Variants in MAPRE2 observed in about 807,000 individuals in gnomAD.
MAPRE2 encodes microtubule associated protein RP/EB family member 2.
MAPRE2 carries 13 observed loss-of-function variants against 43.2 expected under a neutral mutation model. The observed-to-expected ratio is 0.30, with a 90% CI of 0.20 to 0.48. The LOEUF (loss-of-function observed/expected upper bound fraction) is 0.48. MAPRE2 is among the 20% of genes least tolerant of loss of function. The probability of loss-of-function intolerance (pLI) is 0.99; values close to 1 mark genes in which losing one functional copy is unlikely to be tolerated. For missense variants in MAPRE2, 161 were observed against 400.2 expected (o/e 0.40, Z 5.10); for synonymous variants, 135 against 148.8 (o/e 0.91, Z 0.68).
At chr18:34,985,352 T>TATATATAATATA (rs1183661196) in intron 1 of MAPRE2, among the ~76,000 whole-genome samples, 1 of 42,610 alleles carries the variant, frequency 2.3e-5, no homozygotes, top group Non-Finnish European at 3.8e-5. Context: ...TATTATATTA[T>TATATATAATATA]ATATATAATA....
chr18:35,038,959 C>A (rs949875161), upstream of MAPRE2, among the ~76,000 whole-genome samples: 3 of 152,172 alleles, frequency 2.0e-5, no homozygotes, highest in African/African-American at 7.2e-5. Context: ...ACCATCAGCC[C>A]AAATTCTTGG....
intron 1 of MAPRE2, among the ~76,000 whole-genome samples, chr18:35,054,482 G>A (rs1247940527): frequency 6.6e-6 from 1 of 152,192 alleles, no homozygotes; most frequent in Non-Finnish European, 1.5e-5. Context: ...AATTTCAGGT[G>A]AGTCGCTGCC....
At chr18:35,039,836 T>C (rs2097052642), upstream of MAPRE2, among the ~76,000 whole-genome samples, 1 of 152,240 alleles carries the variant, frequency 6.6e-6, no homozygotes, top group Non-Finnish European at 1.5e-5. Context: ...CATATATTTA[T>C]GCTGTATCTT....
Position 34,984,851 on chromosome 18 carries a change from A to G in MAPRE2, c.-70+7772A>G, listed in dbSNP as rs552473089. ...ATATATAATATTTTATATGTTATAT[A>G]ACATATAAAATATATAATATATTTT... On this transcript the variant is annotated intron_variant, in intron 1 of 7. Coordinates refer to the MAPRE2 transcript ENST00000413393. Among the ~76,000 whole-genome samples, 46 of 119,708 alleles carry G rather than the reference A, an allele frequency of 3.8e-4. No individual in the cohort carries two copies. The East Asian group carries it at 9.4e-3, about 24-fold the overall frequency. The allele number at this position is 119,708 out of a possible 152,430, so 78.5% of individuals were successfully genotyped here.
At chr18:35,092,906 T>C (rs897419245) in intron 2 of MAPRE2, among the ~76,000 whole-genome samples, 1 of 152,096 alleles carries the variant, frequency 6.6e-6, no homozygotes, top group Non-Finnish European at 1.5e-5. Flanking sequence ...CTCACCCCGA[T>C]TAGAATGGCT....
chr18:35,094,772 A>C (rs759899227), intron 2 of MAPRE2, among the ~76,000 whole-genome samples: 16 of 152,190 alleles, frequency 1.1e-4, no homozygotes, highest in Non-Finnish European at 2.1e-4. Flanking sequence ...CAAGAATAGG[A>C]TGGCACTGTG....
chr18:35,059,838 G>C (rs1217481689), intron 1 of MAPRE2, among the ~76,000 whole-genome samples: 2 of 152,158 alleles, frequency 1.3e-5, no homozygotes, highest in Non-Finnish European at 2.9e-5. Flanking sequence ...TGAAACTTGA[G>C]GCTTTGCTCT....
chr18:35,050,994 A>G (rs2150605150), intron 1 of MAPRE2, among the ~76,000 whole-genome samples: 1 of 152,324 alleles, frequency 6.6e-6, no homozygotes, highest in South Asian at 2.1e-4. Context: ...CTCTGAAATA[A>G]AAAAGCTTGT....
At chr18:34,992,137 T>C (rs2097024141) in intron 1 of MAPRE2, among the ~76,000 whole-genome samples, 1 of 152,236 alleles carries the variant, frequency 6.6e-6, no homozygotes, top group African/African-American at 2.4e-5. Context: ...TGAAAAATTA[T>C]GTAAATATTG....
chr18:35,125,175 G>C (rs957784692), intron 4 of MAPRE2, among the ~76,000 whole-genome samples: 1 of 152,140 alleles, frequency 6.6e-6, no homozygotes, highest in African/African-American at 2.4e-5. Context: ...GTGCTTCTAG[G>C]GGGTGTGACT....
intron 1 of MAPRE2, among the ~76,000 whole-genome samples, chr18:34,989,776 A>G (rs2097022827): frequency 6.6e-6 from 1 of 151,822 alleles, no homozygotes. Flanking sequence ...ACCTGGGAGC[A>G]TCTCATAAAT....
At chr18:35,013,342 G>A (rs1430657944) in intron 2 of MAPRE2, among the ~76,000 whole-genome samples, 1 of 152,170 alleles carries the variant, frequency 6.6e-6, no homozygotes, top group Admixed American at 6.5e-5. Flanking sequence ...CAGTGGACAA[G>A]GCATAGGAGA....
At chr18:34,996,546 G>C (rs1406803240) in intron 1 of MAPRE2, among the ~76,000 whole-genome samples, 2 of 152,138 alleles carry the variant, frequency 1.3e-5, no homozygotes, top group East Asian at 3.9e-4. Flanking sequence ...AATCTAATAG[G>C]TGTGTATGGT....
intron 1 of MAPRE2, among the ~76,000 whole-genome samples, chr18:35,048,444 A>G (rs1025175292): frequency 2.0e-5 from 3 of 151,782 alleles, no homozygotes; most frequent in African/African-American, 7.3e-5. Flanking sequence ...ATTTATACAT[A>G]TGTACACTAT....
intron 4 of MAPRE2, among the ~76,000 whole-genome samples, chr18:35,111,136 A>G (rs1024596138): frequency 1.3e-5 from 2 of 152,034 alleles, no homozygotes; most frequent in Non-Finnish European, 2.9e-5. Context: ...TCTTCCCAGT[A>G]CTTATTTTCT....
rs564125734 is a variant in MAPRE2 at position 35,028,434 on chromosome 18, C to T, written c.-8+22881C>T. Among the ~76,000 whole-genome samples the T allele has an allele frequency of 2.0e-5, 3 of 152,238 alleles. No homozygotes were observed. In the East Asian group the frequency reaches 5.8e-4, roughly 29 times the overall value. Reference sequence around the variant, plus strand: ...CTCTGAATTTTGCTATTCTTCTATGCAAAATATAGTAAATATATAATGTAT... The same window carrying T: ...CTCTGAATTTTGCTATTCTTCTATGTAAAATATAGTAAATATATAATGTAT... On this transcript the variant is annotated intron_variant, in intron 2 of 7. Coordinates refer to the MAPRE2 transcript ENST00000413393.
At chr18:34,983,012 A>G (rs2097017209) in intron 1 of MAPRE2, among the ~76,000 whole-genome samples, 1 of 152,206 alleles carries the variant, frequency 6.6e-6, no homozygotes, top group Non-Finnish European at 1.5e-5. Context: ...GGCAGCATGG[A>G]ATTGTTGAAC....
intron 1 of MAPRE2, among the ~76,000 whole-genome samples, chr18:35,058,644 T>G (rs1222949734): frequency 2.0e-5 from 3 of 152,216 alleles, no homozygotes; most frequent in Admixed American, 1.3e-4. Flanking sequence ...GCTGGCAGAT[T>G]TGCCAGCCAA....
chr18:34,988,816 T>C (rs1333487323), intron 1 of MAPRE2: 1 of 152,232 alleles, frequency 6.6e-6, no homozygotes, highest in Non-Finnish European at 1.5e-5. Context: ...AGCAATGGAT[T>C]CCTCAGCAGA....
Sources: allele counts gnomAD v4.1 joint callset (sites outside exome capture counted in the v4.1 genomes callset), GRCh38; gene constraint gnomAD v4.1.1; transcripts MANE v1.5; gene names NCBI Gene and HGNC (gene_info 2026-07-23, HGNC 2026-07-21).